Variants in MLLT10 observed in about 807,000 individuals in gnomAD.
The protein encoded by MLLT10 is MLLT10 histone lysine methyltransferase DOT1L cofactor, also known as protein AF-10.
A neutral mutation model predicts 129.1 loss-of-function variants in MLLT10; 30 were observed. The ratio of observed to expected loss-of-function variants is 0.23; its 90% CI spans 0.17 to 0.32. The LOEUF (loss-of-function observed/expected upper bound fraction) is 0.32, where lower values mean the gene tolerates loss of function less well. Among genes scored for constraint, MLLT10 ranks in the 10% least tolerant of loss-of-function variants. The probability of loss-of-function intolerance (pLI) is 1.00; values close to 1 mark genes in which losing one functional copy is unlikely to be tolerated. For synonymous variants in MLLT10, 490 were observed against 446.4 expected, an observed-to-expected ratio of 1.10 and a Z score of -1.23; for missense variants, 1,119 against 1,268.3, an observed-to-expected ratio of 0.88 and a Z score of 1.79.
At chr10:21,605,470 G>C (rs1304286124) in intron 5 of MLLT10, among the ~76,000 whole-genome samples, 2 of 151,868 alleles carry the variant, frequency 1.3e-5, no homozygotes, top group South Asian at 2.1e-4. Context: ...TTTTGAGATA[G>C]GGTCTTGCTC....
chr10:21,549,687 T>C (rs1168645562), intron 3 of MLLT10, among the ~76,000 whole-genome samples: 3 of 126,504 alleles, frequency 2.4e-5, no homozygotes. Flanking sequence ...TTTGAGAGAG[T>C]GTCTTGCTCT....
rs1465291952 is a variant in MLLT10 at position 21,740,052 on chromosome 10, A to G, written c.2978A>G (p.Tyr993Cys). The stretch of plus-strand genomic sequence containing the variant: ...AAGGAACAACATCAAGCCTTTTTGT[A>G]TCAGTTAATGCAACATCACCACCAG... ...LTPEQHQAFLYQLMQHHHQQH... is the reference protein window; with the variant it reads ...LTPEQHQAFLCQLMQHHHQQH... The change falls in exon 22 of 23, where the codon TAT (tyrosine) becomes TGT (cysteine). Residue 993 changes from tyrosine to cysteine, a missense_variant. Tyr to Cys is a radical substitution (Grantham distance 194). Transcript: ENST00000307729. 2.5e-6 allele frequency: 4 copies of G among 1,610,996 alleles called. No individual in the cohort carries two copies. The highest frequency in any genetic ancestry group is 8.5e-7 in the Non-Finnish European group (1 of 1,178,422).
At chr10:21,591,772 G>A (rs1302217841) in intron 4 of MLLT10, among the ~76,000 whole-genome samples, 1 of 131,570 alleles carries the variant, frequency 7.6e-6, no homozygotes, top group Non-Finnish European at 1.7e-5. Flanking sequence ...TGCCCAGGCT[G>A]GACTGCAGTG....
At chr10:21,712,218 T>TTATTTA (rs1461805511) in intron 13 of MLLT10, among the ~76,000 whole-genome samples, 1 of 151,946 alleles carries the variant, frequency 6.6e-6, no homozygotes, top group Non-Finnish European at 1.5e-5. Flanking sequence ...ATTTATTTAT[T>TTATTTA]TATTTTTAAA....
intron 3 of MLLT10, 98 bp from the exon 4 acceptor site, chr10:21,586,196 T>C: frequency 1.1e-6 from 1 of 913,366 alleles, no homozygotes; most frequent in Non-Finnish European, 1.7e-6. Flanking sequence ...GGACAAATGC[T>C]GCTCTCACAT....
intron 3 of MLLT10, among the ~76,000 whole-genome samples, chr10:21,545,099 C>G (rs2035862843): frequency 1.3e-5 from 2 of 151,936 alleles, no homozygotes; most frequent in South Asian, 2.1e-4. Flanking sequence ...GAGCCGAGAT[C>G]GCGCTATTGC....
intron 8 of MLLT10, chr10:21,625,914 A>G: frequency 1.3e-6 from 1 of 785,948 alleles, no homozygotes; most frequent in South Asian, 1.3e-5. Context: ...TCATCCTCAT[A>G]TACATCTCTT....
intron 11 of MLLT10, among the ~76,000 whole-genome samples, chr10:21,677,810 A>C (rs914440652): frequency 6.6e-6 from 1 of 152,186 alleles, no homozygotes; most frequent in African/African-American, 2.4e-5. Flanking sequence ...ATAATTTAGT[A>C]ATGTCGAAGA....
chr10:21,622,322 A>G (rs1004054451), intron 8 of MLLT10, among the ~76,000 whole-genome samples: 10 of 147,646 alleles, frequency 6.8e-5, no homozygotes, highest in Admixed American at 2.0e-4. Flanking sequence ...TATGCCGGCC[A>G]ATTTTTTTTT....
At chr10:21,562,313 T>TTTTTTA (rs972635145) in intron 3 of MLLT10, among the ~76,000 whole-genome samples, 2 of 151,512 alleles carry the variant, frequency 1.3e-5, no homozygotes, top group Non-Finnish European at 2.9e-5. Context: ...TAGATTGCTT[T>TTTTTTA]TTTTTATTTT....
chr10:21,622,198 C>T (rs1182024207), intron 8 of MLLT10, among the ~76,000 whole-genome samples: 2 of 129,600 alleles, frequency 1.5e-5, no homozygotes, highest in East Asian at 5.0e-4. Context: ...CGCTCTGTTA[C>T]GCAGGCTGGG....
At chr10:21,694,770 T>C (rs959347529) in intron 13 of MLLT10, among the ~76,000 whole-genome samples, 1 of 152,188 alleles carries the variant, frequency 6.6e-6, no homozygotes, top group Admixed American at 6.5e-5. Context: ...CACACATTCA[T>C]TAGCTTTCAT....
intron 3 of MLLT10, among the ~76,000 whole-genome samples, chr10:21,547,821 G>A (rs2036357152): frequency 6.6e-6 from 1 of 152,142 alleles, no homozygotes; most frequent in Non-Finnish European, 1.5e-5. Context: ...TTACAGGCGT[G>A]AGCCACTGTG....
intron 3 of MLLT10, chr10:21,557,000 G>A (rs1310971020): frequency 2.0e-6 from 3 of 1,480,774 alleles, no homozygotes; most frequent in African/African-American, 1.4e-5. Context: ...TTTCTTACAG[G>A]GTTTTGTTTT....
chr10:21,560,952 A>G (rs532492857), intron 3 of MLLT10, among the ~76,000 whole-genome samples: 50 of 152,126 alleles, frequency 3.3e-4, no homozygotes, highest in Admixed American at 2.5e-3. Context: ...AGTATTCTTT[A>G]TCTACTTCTA....
chr10:21,574,170 A>G (rs1320053684), intron 3 of MLLT10, among the ~76,000 whole-genome samples: 1 of 152,214 alleles, frequency 6.6e-6, no homozygotes, highest in East Asian at 1.9e-4. Context: ...AATGCTTCTC[A>G]GATTTTCTGT....
chr10:21,561,112 A>G (rs1378543934), intron 3 of MLLT10, among the ~76,000 whole-genome samples: 1 of 152,114 alleles, frequency 6.6e-6, no homozygotes, highest in Non-Finnish European at 1.5e-5. Flanking sequence ...GTGAAGTCCA[A>G]TTTATCTTTT....
chr10:21,616,017 T>C (rs1159282571), intron 7 of MLLT10, among the ~76,000 whole-genome samples: 4 of 152,124 alleles, frequency 2.6e-5, no homozygotes, highest in Non-Finnish European at 5.9e-5. Flanking sequence ...CTATTTCTTT[T>C]GAAAATAAAT....
intron 3 of MLLT10, among the ~76,000 whole-genome samples, chr10:21,558,952 T>A (rs1444799141): frequency 6.6e-6 from 1 of 152,232 alleles, no homozygotes; most frequent in Non-Finnish European, 1.5e-5. Flanking sequence ...TTTTTTGTTG[T>A]TGTTTTAAGT....
Sources: allele counts gnomAD v4.1 joint callset (sites outside exome capture counted in the v4.1 genomes callset), GRCh38; gene constraint gnomAD v4.1.1; transcripts MANE v1.5; gene names NCBI Gene and HGNC (gene_info 2026-07-23, HGNC 2026-07-21).